Variants in E2F3 observed in about 807,000 individuals in gnomAD.
E2F3 encodes the protein E2F transcription factor 3.
In E2F3, 11 loss-of-function variants were observed where a neutral mutation model predicts 44.4. The observed-to-expected ratio is 0.25, with a 90% confidence interval of 0.16 to 0.41. E2F3 has a LOEUF of 0.41. Among genes scored for constraint, E2F3 ranks in the 10% least tolerant of loss-of-function variants. The probability of loss-of-function intolerance (pLI) is 1.00; values close to 1 mark genes in which losing one functional copy is unlikely to be tolerated. For missense variants in E2F3, 487 were observed against 583.6 expected (o/e 0.83, Z 1.70); for synonymous variants, 249 against 253.0 (o/e 0.98, Z 0.15).
At chr6:20,458,166 G>A (rs1422192801) in intron 1 of E2F3, among the ~76,000 whole-genome samples, 1 of 152,164 alleles carries the variant, frequency 6.6e-6, no homozygotes, top group Non-Finnish European at 1.5e-5. Context: ...CAGTGGGTAA[G>A]CAAGAGGCTT....
intron 1 of E2F3, among the ~76,000 whole-genome samples, chr6:20,407,573 T>C (rs939610730): frequency 1.3e-5 from 2 of 152,210 alleles, no homozygotes; most frequent in African/African-American, 4.8e-5. Flanking sequence ...GCTTTTATTG[T>C]GGTTTCTCAG....
At chr6:20,471,536 G>A (rs139162074) in intron 1 of E2F3, among the ~76,000 whole-genome samples, 2,918 of 152,220 alleles carry the variant, frequency 0.019, 38 homozygotes, top group Non-Finnish European at 0.03. Flanking sequence ...AGTGGAGACT[G>A]CACCATTGCA....
intron 1 of E2F3, among the ~76,000 whole-genome samples, chr6:20,413,854 G>C (rs1759753529): frequency 1.3e-5 from 2 of 152,216 alleles, no homozygotes; most frequent in Non-Finnish European, 2.9e-5. Flanking sequence ...GTGTGAAAAG[G>C]CAGGTGGAAG....
In E2F3 at chr6:20,401,932, A is replaced by AC; in HGVS notation, c.-298dup. The AC allele has an allele frequency of 5.0e-6, 2 of 403,340 alleles. No individual in the cohort carries two copies. Among genetic ancestry groups the AC allele is most frequent in the East Asian group, 8.3e-5 (2 of 24,124 alleles). The allele number at this position is 403,340 out of a possible 1,614,324, so 25.0% of individuals were successfully genotyped here. On this transcript the variant is annotated 5_prime_UTR_variant, in exon 1 of 7. Transcript: ENST00000346618. ...CCATTTTTCAGCTGCCGGCCGCAGCACCCGGGCTGCCGCCGCCGCCTCGCA... is the reference window on the plus strand; with the variant it reads ...CCATTTTTCAGCTGCCGGCCGCAGCACCCCGGGCTGCCGCCGCCGCCTCGCA...
chr6:20,442,117 AAGG>A (rs1363045956), intron 1 of E2F3, among the ~76,000 whole-genome samples: 1 of 152,032 alleles, frequency 6.6e-6, no homozygotes, highest in Non-Finnish European at 1.5e-5. Context: ...TGGCTAGAGA[AAGG>A]AGCATATTTG....
rs141919350 is a variant in E2F3, at chr6:20,426,943, G to A, written c.393+24318G>A. Among the ~76,000 whole-genome samples, 259 of 152,260 alleles carry A rather than the reference G, an allele frequency of 1.7e-3. 4 individuals carry two copies. The highest frequency in any genetic ancestry group is 5.7e-3 in the African/African-American group (238 of 41,536). On this transcript the variant is annotated intron_variant, in intron 1 of 6. Transcript: ENST00000346618. ...TCTAAATGTGGCTCCATGAAACTAT[G>A]GGTGAGACATTTTTTTTCTTCAAAT... is the stretch of plus-strand genomic sequence containing the variant.
rs1761938658 is a variant in E2F3 at position 20,472,888 on chromosome 6, A to AT, written c.394-6956dup. Among the ~76,000 whole-genome samples the AT allele has an allele frequency of 3.3e-5, 5 of 152,312 alleles. No individual in the cohort carries two copies. In the South Asian group the frequency reaches 8.3e-4, roughly 25 times the overall value. On this transcript the variant is annotated intron_variant, in intron 1 of 6. Transcript: ENST00000346618. ...ATCGTGGCATATTAATTAATACAATATTATGCAGCTATGAGAAATGAGATC... is the reference window on the plus strand; with the variant it reads ...ATCGTGGCATATTAATTAATACAATATTTATGCAGCTATGAGAAATGAGATC...
chr6:20,440,359 G>A (rs1361038318), intron 1 of E2F3, among the ~76,000 whole-genome samples: 3 of 152,146 alleles, frequency 2.0e-5, no homozygotes, highest in African/African-American at 4.8e-5. Flanking sequence ...GGAACAAATG[G>A]TTGCAGTGAC....
At chr6:20,404,396 C>A (rs1422933633) in intron 1 of E2F3, among the ~76,000 whole-genome samples, 1 of 152,242 alleles carries the variant, frequency 6.6e-6, no homozygotes, top group Non-Finnish European at 1.5e-5. Context: ...TCCGGGTCTT[C>A]ACCCTCGTGG....
intron 1 of E2F3, among the ~76,000 whole-genome samples, chr6:20,449,849 C>T (rs557898685): frequency 2.8e-4 from 43 of 152,256 alleles, no homozygotes; most frequent in African/African-American, 7.0e-4. Context: ...TTAGCTCCCA[C>T]TTATAAGTGA....
chr6:20,475,626 C>T (rs962511763), intron 1 of E2F3, among the ~76,000 whole-genome samples: 2 of 152,310 alleles, frequency 1.3e-5, no homozygotes, highest in East Asian at 3.9e-4. Flanking sequence ...CCCAGCCTCC[C>T]AAGTAACTGG....
At chr6:20,407,019 C>T (rs901051292) in intron 1 of E2F3, among the ~76,000 whole-genome samples, 2 of 152,160 alleles carry the variant, frequency 1.3e-5, no homozygotes, top group Non-Finnish European at 2.9e-5. Flanking sequence ...GTCATAGCAA[C>T]CTACTGATTC....
In E2F3 at chr6:20,491,136, G is replaced by C. The variant is rs1242111130; in HGVS notation, c.*706G>C. ...ACTCTAAGCTGTTGTGGATTTTCCT[G>C]TCTCCATGAACCACTCCCATTCCCC... On this transcript the variant is annotated 3_prime_UTR_variant, in exon 7 of 7. Transcript: ENST00000346618. The C allele has an allele frequency of 8.6e-6, 2 of 232,100 alleles. No homozygotes were observed. Among genetic ancestry groups the C allele is most frequent in the African/African-American group, 4.4e-5 (2 of 45,268 alleles). The allele number at this position is 232,100 out of a possible 1,614,324, so 14.4% of individuals were successfully genotyped here. A position where few individuals can be genotyped will look rare whatever the true frequency, so the allele number is the denominator to read the frequency against.
intron 1 of E2F3, among the ~76,000 whole-genome samples, chr6:20,466,406 G>A (rs1001207268): frequency 1.3e-5 from 2 of 151,946 alleles, no homozygotes; most frequent in Admixed American, 1.3e-4. Flanking sequence ...AGCCACCATG[G>A]CCAGCAATTA....
chr6:20,402,316 C>G lies in E2F3; in HGVS notation c.84C>G (p.Ala28=). The G allele has an allele frequency of 6.2e-7, 1 of 1,609,766 alleles. No individual in the cohort carries two copies. The highest frequency in any genetic ancestry group is 1.7e-5 in the Admixed American group (1 of 59,666). ...AGGGGGCGGCTGTCGTCGCCGCCGC[C>G]GCTGCAGCCTCCATGGACAAAAGGG... ...GGEGAAVVAA[A]AAASMDKRAL... Residue 28 remains alanine (A), a synonymous_variant, in exon 1 of 7, where the codon GCC becomes GCG. Coordinates refer to ENST00000346618, the MANE Select transcript of E2F3 (RefSeq NM_001949.5). The surrounding 1 kb of genome is among the most constrained non-coding windows in gnomAD (Gnocchi z 5.6).
chr6:20,476,482 G>A (rs1038906293), intron 1 of E2F3, among the ~76,000 whole-genome samples: 7 of 152,174 alleles, frequency 4.6e-5, no homozygotes, highest in African/African-American at 1.7e-4. Flanking sequence ...CCAGAGTTTT[G>A]AGTGGTGGTC....
chr6:20,421,226 C>T (rs1028535141), intron 1 of E2F3, among the ~76,000 whole-genome samples: 17 of 152,160 alleles, frequency 1.1e-4, no homozygotes, highest in African/African-American at 3.6e-4. Context: ...CAACTTCTTC[C>T]GAACTTCTGT....
rs538456697 is a variant in E2F3 at position 20,413,352 on chromosome 6, A to G, written c.393+10727A>G. On this transcript the variant is annotated intron_variant, in intron 1 of 6. Transcript: ENST00000346618. ...GGCTAGTTGAGCACAGGGAAAAGTT[A>G]CTGAAACTAGATTGTCCAGGTGAAG... Among the ~76,000 whole-genome samples, 4 of 152,310 alleles carry G rather than the reference A, an allele frequency of 2.6e-5. No individual in the cohort carries two copies. In the East Asian group the frequency reaches 7.7e-4, roughly 29 times the overall value.
chr6:20,445,241 T>G, intron 1 of E2F3: 2 of 797,368 alleles, frequency 2.5e-6, no homozygotes, highest in Non-Finnish European at 3.0e-6. Flanking sequence ...TGTGTATATT[T>G]TCTCCCTTTT....
Sources: allele counts gnomAD v4.1 joint callset (sites outside exome capture counted in the v4.1 genomes callset), GRCh38; gene constraint gnomAD v4.1.1; non-coding constraint Gnocchi (gnomAD v3.1); transcripts MANE v1.5; gene names NCBI Gene and HGNC (gene_info 2026-07-23, HGNC 2026-07-21).